The following ADGRE1 variants were observed in gnomAD, a reference collection of about 807,000 sequenced individuals.
ADGRE1 encodes the protein EGF-like module receptor 1.
ADGRE1 carries 82 observed loss-of-function variants against 102.7 expected under a neutral mutation model. The ratio of observed to expected loss-of-function variants is 0.80; its 90% CI spans 0.67 to 0.96. The LOEUF (loss-of-function observed/expected upper bound fraction) is 0.96, where lower values mean the gene tolerates loss of function less well. Among genes scored for constraint, ADGRE1 ranks in the 40% least tolerant of loss-of-function variants. The probability of loss-of-function intolerance (pLI) is 0.00; values close to 1 mark genes in which losing one functional copy is unlikely to be tolerated. For synonymous variants in ADGRE1, 398 were observed against 399.6 expected, an observed-to-expected ratio of 1.00 and a Z score of 0.05; for missense variants, 1,032 against 1,085.3, an observed-to-expected ratio of 0.95 and a Z score of 0.69.
At chr19:6,934,380 G>A (rs1181189781) in intron 17 of ADGRE1, among the ~76,000 whole-genome samples, 1 of 149,596 alleles carries the variant, frequency 6.7e-6, no homozygotes, top group East Asian at 2.0e-4. Flanking sequence ...TTTCTGGATT[G>A]GTTGCTATAA....
At chr19:6,933,490 C>A (rs1417781486) in intron 17 of ADGRE1, among the ~76,000 whole-genome samples, 1 of 150,894 alleles carries the variant, frequency 6.6e-6, no homozygotes, top group African/African-American at 2.4e-5. Context: ...CAGGTTCAAG[C>A]GATTCTCCTG....
At position 6,919,849 on chromosome 19, in the gene ADGRE1, G is replaced by A. The variant is rs969220396; in HGVS notation, c.1620+102G>A. The A allele has an allele frequency of 1.5e-4, 167 of 1,149,412 alleles. 1 individual carries two copies. In the Middle Eastern group the frequency reaches 2.4e-3, roughly 17 times the overall value. The allele number at this position is 1,149,412 out of a possible 1,614,324, so 71.2% of individuals were successfully genotyped here. A position where few individuals can be genotyped will look rare whatever the true frequency, so the allele number is the denominator to read the frequency against. ...TTTTTTACGGGAAGCTATTGAGGCCGGTAAGCTTCCACAATTTCCAGCAAT... is the reference window on the plus strand; with the variant it reads ...TTTTTTACGGGAAGCTATTGAGGCCAGTAAGCTTCCACAATTTCCAGCAAT... On this transcript the variant is annotated intron_variant, in intron 13 of 20. Coordinates refer to ENST00000312053, the MANE Select transcript of ADGRE1 (RefSeq NM_001974.5).
intron 18 of ADGRE1, 27 bp from the exon 19 acceptor site, chr19:6,937,216 C>T (rs1975449210): frequency 6.2e-6 from 10 of 1,604,248 alleles, no homozygotes; most frequent in Non-Finnish European, 8.5e-6. Flanking sequence ...CTCCCAGAGC[C>T]TTACATGCTG....
At chr19:6,915,869 C>T (rs991113669) in intron 11 of ADGRE1, among the ~76,000 whole-genome samples, 8 of 132,712 alleles carry the variant, frequency 6.0e-5, no homozygotes, top group African/African-American at 2.2e-4. Flanking sequence ...TGCAGTGAGC[C>T]GAGATCGTGC....
chr19:6,901,091 GAGA>G (rs1216540125), intron 5 of ADGRE1, among the ~76,000 whole-genome samples: 1 of 152,208 alleles, frequency 6.6e-6, no homozygotes, highest in Non-Finnish European at 1.5e-5. Context: ...GGTGAAAAGG[GAGA>G]AGAAGTGTAG....
At chr19:6,916,991 T>C (rs1004316277) in intron 12 of ADGRE1, among the ~76,000 whole-genome samples, 1 of 152,202 alleles carries the variant, frequency 6.6e-6, no homozygotes, top group African/African-American at 2.4e-5. Context: ...TGCTAATCTG[T>C]GTCAGGGATG....
chr19:6,901,635 T>C (rs560834717), intron 5 of ADGRE1, among the ~76,000 whole-genome samples: 1 of 152,302 alleles, frequency 6.6e-6, no homozygotes, highest in East Asian at 1.9e-4. Flanking sequence ...TTTGAAACTA[T>C]TTGCCACCCT....
chr19:6,922,667 G>C (rs1326026632), intron 14 of ADGRE1, among the ~76,000 whole-genome samples: 1 of 147,970 alleles, frequency 6.8e-6, no homozygotes, highest in Non-Finnish European at 1.5e-5. Context: ...CAAACAAAAA[G>C]AATTCTGAGG....
Position 6,924,517 on chromosome 19 carries a change from A to G in ADGRE1, c.1792-161A>G, listed in dbSNP as rs575652405. Among the ~76,000 whole-genome samples the G allele has an allele frequency of 2.0e-5, 3 of 152,278 alleles. No homozygotes were observed. The South Asian group carries it at 6.2e-4, about 32-fold the overall frequency. On this transcript the variant is annotated intron_variant, in intron 14 of 20. Transcript: ENST00000312053. ...GTGCTGGTGGATGCCAGTGGATTGC[A>G]AAGGATAATGAAGGACAGTATCTAG...
At chr19:6,904,801 T>C (rs10409287) in intron 8 of ADGRE1, among the ~76,000 whole-genome samples, 56,193 of 151,948 alleles carry the variant, frequency 0.37, 12,209 homozygotes, top group African/African-American at 0.6. Flanking sequence ...CCACTGCGCC[T>C]GGCCAAAACA....
At chr19:6,891,288 G>C (rs1366539093) in intron 2 of ADGRE1, 2 of 152,142 alleles carry the variant, frequency 1.3e-5, no homozygotes, top group Non-Finnish European at 2.9e-5. Context: ...GTGCAACAGT[G>C]AGTCAAATTA....
chr19:6,902,629 C>G (rs556820459), intron 6 of ADGRE1, among the ~76,000 whole-genome samples: 2 of 151,946 alleles, frequency 1.3e-5, no homozygotes, highest in African/African-American at 4.8e-5. Flanking sequence ...TTAGTAGAGA[C>G]AAGGTTTCAC....
Position 6,940,258 on chromosome 19 carries a change from C to T in ADGRE1, c.*229C>T, listed in dbSNP as rs979853515. The T allele has an allele frequency of 5.1e-6, 3 of 592,116 alleles. No individual in the cohort carries two copies. The highest frequency in any genetic ancestry group is 9.0e-6 in the Non-Finnish European group (3 of 334,284). The allele number at this position is 592,116 out of a possible 1,614,324, so 36.7% of individuals were successfully genotyped here. On this transcript the variant is annotated 3_prime_UTR_variant, in exon 21 of 21. Coordinates refer to ENST00000312053, the MANE Select transcript of ADGRE1 (RefSeq NM_001974.5). ...ACCATTTTATCTTCGTGCTCTGCAA[C>T]TTCTTCAATTCCAGAGTTTCTGAGA...
At chr19:6,887,779 C>G in intron 1 of ADGRE1, 140 bp downstream of exon 1, 5 of 902,842 alleles carry the variant, frequency 5.5e-6, no homozygotes, top group Non-Finnish European at 8.4e-6. Flanking sequence ...TTCAGGGAAC[C>G]TTTGACAAAA....
rs569358288 is a variant in ADGRE1 at position 6,903,002 on chromosome 19, G to GAA, written c.662-805_662-804dup. ...ATTCAAGGGCAAGCCAGAGGTAGAA[G>GAA]AAAACAGCTTTATTGAAGAGGCAGT... On this transcript the variant is annotated intron_variant, in intron 6 of 20. Transcript: ENST00000312053. Among the ~76,000 whole-genome samples, 192 of 152,368 alleles carry GAA rather than the reference G, an allele frequency of 1.3e-3. 1 individual carries two copies. Among genetic ancestry groups the GAA allele is most frequent in the African/African-American group, 4.5e-3 (186 of 41,590 alleles).
rs370739785 is a variant in ADGRE1 at position 6,924,885 on chromosome 19, C to T, written c.1986+13C>T. ...GACTGACAACAAGGTCTACATCGCT[C>T]GGGCTGTGTCCCCACCAAGCCCCAT... On this transcript the variant is annotated intron_variant, in intron 15 of 20. Coordinates refer to ENST00000312053, the MANE Select transcript of ADGRE1 (RefSeq NM_001974.5). The T allele has an allele frequency of 3.0e-5, 49 of 1,612,816 alleles. No individual in the cohort carries two copies. Among genetic ancestry groups the T allele is most frequent in the Admixed American group, 2.2e-4 (13 of 59,940 alleles).
intron 17 of ADGRE1, among the ~76,000 whole-genome samples, chr19:6,929,501 A>C (rs957872956): frequency 1.3e-5 from 2 of 148,810 alleles, no homozygotes; most frequent in Admixed American, 1.4e-4. Flanking sequence ...TTTACAAAGA[A>C]AAGGGAAGAC....
Position 6,911,645 on chromosome 19 carries a change from A to G in ADGRE1, c.1123-2008A>G, listed in dbSNP as rs1428746897. 4.6e-5 allele frequency among the ~76,000 whole-genome samples: 7 copies of G among 151,528 alleles called. No individual in the cohort carries two copies. In the East Asian group the frequency reaches 9.6e-4, roughly 21 times the overall value. ...CATACAAATAAACACACACACATAT[A>G]CACACATGCGCACACACATACACAT... is the stretch of plus-strand genomic sequence containing the variant. On this transcript the variant is annotated intron_variant, in intron 10 of 20. Transcript: ENST00000312053.
chr19:6,924,591 C>T (rs763249295), intron 14 of ADGRE1, 87 bp from the exon 15 acceptor site: 151 of 1,259,846 alleles, frequency 1.2e-4, no homozygotes, highest in Non-Finnish European at 1.5e-4. Context: ...TAATTTTGCC[C>T]GAGCCAGGGT....
Sources: allele counts gnomAD v4.1 joint callset (sites outside exome capture counted in the v4.1 genomes callset), GRCh38; gene constraint gnomAD v4.1.1; transcripts MANE v1.5; gene names NCBI Gene and HGNC (gene_info 2026-07-23, HGNC 2026-07-21).